The following CACNA1C variants were observed in gnomAD, a reference collection of about 807,000 sequenced individuals.
The protein encoded by CACNA1C is calcium voltage-gated channel subunit alpha1 C.
CACNA1C carries 30 observed loss-of-function variants against 229.0 expected under a neutral mutation model. The ratio of observed to expected loss-of-function variants is 0.13; its 90% CI spans 0.10 to 0.18. The LOEUF is 0.18. Ranked by LOEUF, CACNA1C falls within the 10% of genes least tolerant of loss-of-function variation. The pLI, the probability that CACNA1C is intolerant of heterozygous loss-of-function variation, is 1.00. For missense variants in CACNA1C, 1,658 were observed against 2,845.0 expected (o/e 0.58, Z 9.49); for synonymous variants, 1,114 against 1,132.5 (o/e 0.98, Z 0.33).
Position 2,054,944 on chromosome 12 carries a change from A to G in CACNA1C, c.49+1333A>G, listed in dbSNP as rs190068505. Among the ~76,000 whole-genome samples, 10 of 152,200 alleles carry G rather than the reference A, an allele frequency of 6.6e-5. No individual in the cohort carries two copies. The highest frequency in any genetic ancestry group is 2.6e-4 in the Admixed American group (4 of 15,294). ...TTGCTCCCAGCTCCACCTTTTGGGG[A>G]CAGGGCCTTCACTCTTTAGAGCCAG... On this transcript the variant is annotated intron_variant, in intron 1 of 46. Transcript: ENST00000399655. The surrounding 1 kb of genome is among the most constrained non-coding windows in gnomAD (Gnocchi z 5.5).
At chr12:2,378,681 G>A (rs114281416) in intron 3 of CACNA1C, among the ~76,000 whole-genome samples, 2,599 of 152,284 alleles carry the variant, frequency 0.017, 69 homozygotes, top group African/African-American at 0.059. Context: ...TACTCCCCGT[G>A]GGGGAAGAGT....
intron 39 of CACNA1C, among the ~76,000 whole-genome samples, chr12:2,675,449 G>A (rs543228784): frequency 1.3e-5 from 2 of 152,238 alleles, no homozygotes; most frequent in East Asian, 3.9e-4. Context: ...ATAAGTGTGT[G>A]TATAAATAGC....
intron 3 of CACNA1C, among the ~76,000 whole-genome samples, chr12:2,412,162 C>A (rs2098815227): frequency 6.6e-6 from 1 of 152,126 alleles, no homozygotes; most frequent in African/African-American, 2.4e-5. Context: ...AGGCAGGGGT[C>A]CCTTCCTTCC....
At chr12:2,372,617 C>T (rs1432177568) in intron 3 of CACNA1C, among the ~76,000 whole-genome samples, 3 of 151,990 alleles carry the variant, frequency 2.0e-5, no homozygotes, top group East Asian at 3.8e-4. Flanking sequence ...TAAATAAATC[C>T]GCATTCCCTT....
rs945910425 is a variant in CACNA1C, at chr12:2,319,650, A to G, written c.478-129326A>G. Among the ~76,000 whole-genome samples, 1 of 151,972 alleles carries G rather than the reference A, an allele frequency of 6.6e-6. No homozygotes were observed. The highest frequency in any genetic ancestry group is 2.4e-5 in the African/African-American group (1 of 41,354). On this transcript the variant is annotated intron_variant, in intron 3 of 46. Transcript: ENST00000399655. The surrounding 1 kb of genome is among the most constrained non-coding windows in gnomAD (Gnocchi z 4.0). ...CGGGCAGACCTCATCTTCTTCAGAC[A>G]TTTCTTTTACTCTTTGGCTTGCTCT...
At chr12:2,193,486 G>T (rs2097305952) in intron 3 of CACNA1C, among the ~76,000 whole-genome samples, 1 of 152,188 alleles carries the variant, frequency 6.6e-6, no homozygotes, top group South Asian at 2.1e-4. Flanking sequence ...AACTTGTAAA[G>T]GTTCCATGCA....
intron 9 of CACNA1C, among the ~76,000 whole-genome samples, chr12:2,543,779 A>G (rs917547574): frequency 3.9e-5 from 6 of 152,324 alleles, no homozygotes; most frequent in Non-Finnish European, 7.4e-5. Flanking sequence ...CCCATGAAAG[A>G]CCAGCCCTGG....
In CACNA1C at chr12:2,319,478, A is replaced by G. The variant is rs1279103843; in HGVS notation, c.478-129498A>G. Among the ~76,000 whole-genome samples the G allele has an allele frequency of 1.3e-5, 2 of 152,082 alleles. No individual in the cohort carries two copies. The highest frequency in any genetic ancestry group is 2.9e-5 in the Non-Finnish European group (2 of 67,980). On this transcript the variant is annotated intron_variant, in intron 3 of 46. Coordinates refer to ENST00000399655, the MANE Select transcript of CACNA1C (RefSeq NM_000719.7). The surrounding 1 kb of genome is among the most constrained non-coding windows in gnomAD (Gnocchi z 4.0). The stretch of plus-strand genomic sequence containing the variant: ...GACCTCGCTCCCACGCCACAGCCCC[A>G]GGCCCCAGGCCCCTGACACCCTGGC...
chr12:2,316,428 A>C (rs1436800752), intron 3 of CACNA1C, among the ~76,000 whole-genome samples: 1 of 152,098 alleles, frequency 6.6e-6, no homozygotes, highest in Non-Finnish European at 1.5e-5. Context: ...ATTGGAGAAA[A>C]CATTTGTCAG....
chr12:2,163,740 G>A (rs934739758), intron 3 of CACNA1C, among the ~76,000 whole-genome samples: 7 of 152,242 alleles, frequency 4.6e-5, no homozygotes, highest in South Asian at 2.1e-4. Context: ...CGGCTCTGGC[G>A]GCTGCATGTG....
chr12:2,461,644 A>C (rs900182237), intron 5 of CACNA1C, among the ~76,000 whole-genome samples: 5 of 152,212 alleles, frequency 3.3e-5, no homozygotes, highest in African/African-American at 9.6e-5. Flanking sequence ...GACTCATGGC[A>C]GAACTCACAG....
Position 2,262,486 on chromosome 12 carries a change from G to A in CACNA1C, c.477+142056G>A, listed in dbSNP as rs2283292. On this transcript the variant is annotated intron_variant, in intron 3 of 46. Coordinates refer to ENST00000399655, the MANE Select transcript of CACNA1C (RefSeq NM_000719.7). ...TCTCAGTAGTACAGTCTTCCCTGTG[G>A]CCAAGACGGTGTCTTCAGCATCTGC... is the stretch of plus-strand genomic sequence containing the variant. 0.021 allele frequency among the ~76,000 whole-genome samples: 3,253 copies of A among 152,272 alleles called. 206 individuals are homozygous for A. The East Asian group carries it at 0.24, about 11-fold the overall frequency.
Position 2,566,467 on chromosome 12 carries a change from C to T in CACNA1C, c.1554C>T (p.Arg518=), listed in dbSNP as rs398123517. 75 of 1,595,928 alleles carry T rather than the reference C, an allele frequency of 4.7e-5. No individual in the cohort carries two copies. Among genetic ancestry groups the T allele is most frequent in the South Asian group, 3.1e-4 (27 of 87,452 alleles). ...RWNRFCRRKC[R]AAVKSNVFYW... ...ATCGGTTCTGCAGAAGGAAGTGCCG[C>T]GCCGCAGTCAAGTCTAATGTCTTCT... Residue 518 remains arginine, a synonymous_variant, in exon 12 of 47, where the codon CGC becomes CGT. Coordinates refer to ENST00000399655, the MANE Select transcript of CACNA1C (RefSeq NM_000719.7). This position sits in a 1 kb window ranked among gnomAD's most constrained non-coding sequence, Gnocchi z 4.0.
chr12:2,600,975 CAG>C (rs1272689117), intron 21 of CACNA1C, among the ~76,000 whole-genome samples: 1 of 152,162 alleles, frequency 6.6e-6, no homozygotes. Context: ...AATGAGGAAA[CAG>C]AGGCACTAAG....
At chr12:2,424,308 C>A (rs369340573) in intron 3 of CACNA1C, among the ~76,000 whole-genome samples, 1 of 151,770 alleles carries the variant, frequency 6.6e-6, no homozygotes, top group South Asian at 2.1e-4. Context: ...TCTGAGAGGT[C>A]CAGAGAAGAG....
chr12:2,311,441 A>G (rs2283293), intron 3 of CACNA1C, among the ~76,000 whole-genome samples: 20,658 of 152,240 alleles, frequency 0.14, 3,256 homozygotes, highest in African/African-American at 0.37. Flanking sequence ...CAGAGGATGC[A>G]GGGACCCTTG....
chr12:2,582,722 T>G (rs1228748284), intron 14 of CACNA1C, 100 bp from the exon 15 acceptor site: 3 of 1,342,836 alleles, frequency 2.2e-6, no homozygotes, highest in Non-Finnish European at 3.1e-6. Context: ...AAAGGGAAAT[T>G]TTGGACAATT....
rs2097825549 is a variant in CACNA1C, at chr12:2,694,859, C to T, written c.*3660C>T. On this transcript the variant is annotated 3_prime_UTR_variant, in exon 47 of 47. Transcript: ENST00000399655. ...GAGTCCTGAAGATACACAGCCACCA[C>T]TCCTAAAGGCAAAGAAAGAAAACAC... 6.6e-6 allele frequency: 1 copy of T among 152,180 alleles called. No individual in the cohort carries two copies. Among genetic ancestry groups the T allele is most frequent in the South Asian group, 2.1e-4 (1 of 4,828 alleles). The allele number at this position is 152,180 out of a possible 1,614,324, so 9.4% of individuals were successfully genotyped here. A position where few individuals can be genotyped will look rare whatever the true frequency, so the allele number is the denominator to read the frequency against.
chr12:2,087,033 G>A (rs1462055540), intron 1 of CACNA1C, among the ~76,000 whole-genome samples: 2 of 152,190 alleles, frequency 1.3e-5, no homozygotes, highest in East Asian at 3.8e-4. Flanking sequence ...CATTTTCTGT[G>A]CTCCAAGCCC....
Sources: allele counts gnomAD v4.1 joint callset (sites outside exome capture counted in the v4.1 genomes callset), GRCh38; gene constraint gnomAD v4.1.1; non-coding constraint Gnocchi (gnomAD v3.1); transcripts MANE v1.5; gene names NCBI Gene and HGNC (gene_info 2026-07-23, HGNC 2026-07-21).